Variants in RGMA observed in about 807,000 individuals in gnomAD.
RGMA encodes the protein repulsive guidance molecule A.
A neutral mutation model predicts 23.2 loss-of-function variants in RGMA; 10 were observed. That is an observed-to-expected ratio of 0.43 (90% CI 0.27 to 0.73). The LOEUF is 0.73. Ranked by LOEUF, RGMA falls within the 30% of genes least tolerant of loss-of-function variation. The pLI, the probability that RGMA is intolerant of heterozygous loss-of-function variation, is 0.20. For synonymous variants in RGMA, 308 were observed against 279.3 expected, an observed-to-expected ratio of 1.10 and a Z score of -1.03; for missense variants, 547 against 630.5, an observed-to-expected ratio of 0.87 and a Z score of 1.42.
chr15:93,046,208 G>A (rs1308749194), intron 3 of RGMA, among the ~76,000 whole-genome samples: 2 of 152,148 alleles, frequency 1.3e-5, no homozygotes, highest in Non-Finnish European at 2.9e-5. Flanking sequence ...GGAATCACAA[G>A]TATCTTTATA....
intron 1 of RGMA, among the ~76,000 whole-genome samples, chr15:93,075,831 C>G (rs529264300): frequency 2.6e-5 from 4 of 152,114 alleles, no homozygotes; most frequent in African/African-American, 9.7e-5. Flanking sequence ...TTTTTCCCCC[C>G]CTTTCTTGAG....
intron 3 of RGMA, among the ~76,000 whole-genome samples, chr15:93,050,139 C>T (rs552486548): frequency 1.0e-3 from 153 of 152,338 alleles, no homozygotes; most frequent in African/African-American, 3.4e-3. Flanking sequence ...CTGCCCCAGC[C>T]TCCATCGCCA....
chr15:93,066,539 G>A (rs1056797604), intron 2 of RGMA: 35 of 488,430 alleles, frequency 7.2e-5, no homozygotes, highest in South Asian at 3.2e-4. Flanking sequence ...CGCCCTCCCC[G>A]CCACCTGCTT....
Position 93,072,930 on chromosome 15 carries a change from C to A in RGMA, c.116G>T (p.Cys39Phe). 2 of 1,608,024 alleles carry A rather than the reference C, an allele frequency of 1.2e-6. No homozygotes were observed. The highest frequency in any genetic ancestry group is 8.5e-7 in the Non-Finnish European group (1 of 1,177,636). ...GFWPTLAFLL[C>F]SFPAATSPCK... ...CAGTGCCTTACCTGCGGGGAAGCTG[C>A]AGAGAAGGAAGGCGAGGGTCGGCCA... The change falls in exon 2 of 4, where the codon TGC becomes TTC. Residue 39 changes from cysteine (C) to phenylalanine (F), a missense_variant. This residue lies in a region of RGMA where 214 missense variants were observed against 234.7 expected (regional missense o/e 0.91). Transcript: ENST00000329082.
At position 93,065,826 on chromosome 15, in the gene RGMA, G is replaced by A. The variant is rs182835525; in HGVS notation, c.130+7090C>T. 2.1e-5 allele frequency: 17 copies of A among 796,626 alleles called. 1 individual carries two copies. The highest frequency in any genetic ancestry group is 5.4e-5 in the South Asian group (4 of 73,704). The allele number at this position is 796,626 out of a possible 1,614,324, so 49.3% of individuals were successfully genotyped here. On this transcript the variant is annotated intron_variant, in intron 2 of 3. Coordinates refer to ENST00000329082, the MANE Select transcript of RGMA (RefSeq NM_020211.3). ...GGCCAGAATTGAGGTAGGGGAACCC[G>A]CTCACCTCCCTGCTGTTGCTGCCCC...
At chr15:93,088,354 C>A (rs1444315621) in intron 1 of RGMA, 3 of 985,372 alleles carry the variant, frequency 3.0e-6, no homozygotes, top group Non-Finnish European at 3.6e-6. Flanking sequence ...AAAGCCGGGG[C>A]GGCTTGGCAA....
chr15:93,088,486 A>C (rs62045496), intron 1 of RGMA: 226,592 of 989,120 alleles, frequency 0.23, 26,109 homozygotes, highest in Middle Eastern at 0.31. Flanking sequence ...AGGGCAGGAG[A>C]TGGCCAGGCA....
At chr15:93,088,652 G>T in intron 1 of RGMA, 2 of 1,017,722 alleles carry the variant, frequency 2.0e-6, no homozygotes, top group Non-Finnish European at 2.6e-6. Context: ...TAAGGGACGT[G>T]TGCCGGGTCT....
At position 93,076,881 on chromosome 15, in the gene RGMA, G is replaced by A. The variant is rs112343733; in HGVS notation, c.15-3850C>T. ...TCCGCACCGGGCTTAAAGTCAAGGC[G>A]AGACAGATTACTTAACAATCACTTT... On this transcript the variant is annotated intron_variant, in intron 1 of 3. Transcript: ENST00000329082. 3.1e-3 allele frequency among the ~76,000 whole-genome samples: 471 copies of A among 152,302 alleles called. 4 individuals carry two copies. The highest frequency in any genetic ancestry group is 0.011 in the African/African-American group (456 of 41,558).
At chr15:93,046,515 A>G (rs916726839) in intron 3 of RGMA, among the ~76,000 whole-genome samples, 3 of 152,198 alleles carry the variant, frequency 2.0e-5, no homozygotes, top group Non-Finnish European at 4.4e-5. Context: ...GGAAATGAAT[A>G]TGGTTTGCAA....
In RGMA at chr15:93,072,950, C is replaced by T. The variant is rs769911524; in HGVS notation, c.96G>A (p.Pro32=). ...AGCTGCAGAGAAGGAAGGCGAGGGT[C>T]GGCCAGAATCCCAGGGCTGAACGTC... ...GAGRSALGFW[P]TLAFLLCSFP... The change falls in exon 2 of 4, where the codon CCG becomes CCA. Residue 32 remains proline (P), a synonymous_variant. Transcript: ENST00000329082. 8.1e-6 allele frequency: 13 copies of T among 1,610,280 alleles called. No homozygotes were observed. Among genetic ancestry groups the T allele is most frequent in the Middle Eastern group, 1.6e-4 (1 of 6,070 alleles).
At chr15:93,065,713 G>A in intron 2 of RGMA, 1 of 1,196,908 alleles carries the variant, frequency 8.4e-7, no homozygotes, top group South Asian at 1.2e-5. Flanking sequence ...TGGGCCCTGG[G>A]GCTCAGGCCG....
In RGMA at chr15:93,044,801, G is replaced by A. The variant is rs971820485; in HGVS notation, c.*197C>T. ...ACACAGCTCTACTGTCAAACATCAT[G>A]GCACCAGTCACCACAACCTTGTCAC... On this transcript the variant is annotated 3_prime_UTR_variant, in exon 4 of 4. Coordinates refer to ENST00000329082, the MANE Select transcript of RGMA (RefSeq NM_020211.3). The A allele has an allele frequency of 1.7e-5, 10 of 599,198 alleles. No individual in the cohort carries two copies. The highest frequency in any genetic ancestry group is 3.0e-5 in the Admixed American group (1 of 33,666). The allele number at this position is 599,198 out of a possible 1,614,324, so 37.1% of individuals were successfully genotyped here. A position where few individuals can be genotyped will look rare whatever the true frequency, so the allele number is the denominator to read the frequency against.
intron 2 of RGMA, among the ~76,000 whole-genome samples, chr15:93,060,557 T>C (rs533014135): frequency 6.6e-6 from 1 of 152,350 alleles, no homozygotes; most frequent in Admixed American, 6.5e-5. Flanking sequence ...GGGTGGGCCC[T>C]TGGTGCTCAG....
At chr15:93,054,545 C>G (rs951935358) in intron 2 of RGMA, among the ~76,000 whole-genome samples, 3 of 152,330 alleles carry the variant, frequency 2.0e-5, no homozygotes, top group South Asian at 2.1e-4. Flanking sequence ...TGCTCTCTTG[C>G]CTGCTGCCAC....
chr15:93,051,673 C>T (rs2054921553), intron 3 of RGMA, among the ~76,000 whole-genome samples: 1 of 152,210 alleles, frequency 6.6e-6, no homozygotes, highest in South Asian at 2.1e-4. Flanking sequence ...GTTCTGGAGT[C>T]ACCCGGGCCT....
intron 2 of RGMA, among the ~76,000 whole-genome samples, chr15:93,055,516 G>C (rs1053903576): frequency 7.2e-5 from 11 of 152,192 alleles, no homozygotes; most frequent in Non-Finnish European, 1.3e-4. Context: ...CTCACTTCCA[G>C]GAAGGAGCCA....
At chr15:93,051,788 C>T (rs888677314) in intron 3 of RGMA, among the ~76,000 whole-genome samples, 1 of 152,226 alleles carries the variant, frequency 6.6e-6, no homozygotes, top group Admixed American at 6.5e-5. Flanking sequence ...TGGAGCTATG[C>T]CTGCCAGGCC....
rs1176761096 is a variant in RGMA, at chr15:93,041,473, G to T, written c.*3525C>A. The T allele has an allele frequency of 1.3e-5, 2 of 152,240 alleles. No homozygotes were observed. Among genetic ancestry groups the T allele is most frequent in the African/African-American group, 2.4e-5 (1 of 41,458 alleles). 9.4% of individuals were successfully genotyped at this position (152,240 alleles called of 1,614,324 possible). On this transcript the variant is annotated 3_prime_UTR_variant, in exon 4 of 4. Coordinates refer to ENST00000329082, the MANE Select transcript of RGMA (RefSeq NM_020211.3). Reference sequence around the variant, plus strand: ...CGACGGCATTTCCATGCTCGTGAGGGCAACCAGTAGTAAGTAGCATGGCAC... The same window carrying T: ...CGACGGCATTTCCATGCTCGTGAGGTCAACCAGTAGTAAGTAGCATGGCAC...
Sources: gnomAD v4.1 joint callset for allele counts (sites outside exome capture counted in the v4.1 genomes callset) on GRCh38, gnomAD v4.1.1 for gene constraint, gnomAD v4.1.1 regional missense constraint, MANE v1.5 for transcripts, NCBI Gene and HGNC (gene_info 2026-07-23, HGNC 2026-07-21) for gene names.